Variants in KIAA1217 observed in about 807,000 individuals in gnomAD.
KIAA1217 encodes sickle tail protein homolog.
Under a neutral mutation model 163.9 loss-of-function variants are expected in KIAA1217, and 88 were observed. The ratio of observed to expected loss-of-function variants is 0.54; its 90% CI spans 0.45 to 0.64. KIAA1217 has a LOEUF of 0.64. Among genes scored for constraint, KIAA1217 ranks in the 30% least tolerant of loss-of-function variants. KIAA1217 has a pLI of 0.00. For synonymous variants in KIAA1217, 903 were observed against 923.1 expected (o/e 0.98, Z 0.39); for missense variants, 2,372 against 2,475.0 (o/e 0.96, Z 0.88).
intron 1 of KIAA1217, among the ~76,000 whole-genome samples, chr10:23,986,349 C>T (rs1159247426): frequency 1.3e-5 from 2 of 152,198 alleles, no homozygotes; most frequent in South Asian, 4.1e-4. Flanking sequence ...CCCTCAGTTT[C>T]AGTGGGGAAT....
chr10:24,097,205 A>G (rs2062199303), intron 2 of KIAA1217, among the ~76,000 whole-genome samples: 1 of 152,224 alleles, frequency 6.6e-6, no homozygotes. Context: ...AAAAATTTAT[A>G]GGATCTGATG....
intron 1 of KIAA1217, among the ~76,000 whole-genome samples, chr10:23,852,333 G>A (rs1053084719): frequency 3.9e-5 from 6 of 152,024 alleles, no homozygotes; most frequent in African/African-American, 7.2e-5. Context: ...GTAGATAAGC[G>A]GCGCTATTTC....
At chr10:23,860,189 C>A (rs543056035) in intron 1 of KIAA1217, among the ~76,000 whole-genome samples, 1 of 152,068 alleles carries the variant, frequency 6.6e-6, no homozygotes, top group African/African-American at 2.4e-5. Flanking sequence ...CCTTCTTGTG[C>A]TGGTCTTTGT....
intron 6 of KIAA1217, among the ~76,000 whole-genome samples, chr10:24,489,860 C>CAAAAAAAAA (rs11393718): frequency 1.5e-5 from 1 of 64,924 alleles, no homozygotes; most frequent in East Asian, 5.6e-4. Context: ...GAGAACCTGT[C>CAAAAAAAAA]AAAAAAAAAA....
intron 2 of KIAA1217, among the ~76,000 whole-genome samples, chr10:24,030,292 G>A (rs1848138893): frequency 6.6e-6 from 1 of 152,144 alleles, no homozygotes; most frequent in African/African-American, 2.4e-5. Context: ...GTCGAGGGAG[G>A]GTCTTGATGG....
Position 24,371,837 on chromosome 10 carries a change from C to G in KIAA1217, c.355-9032C>G, listed in dbSNP as rs570484779. Among the ~76,000 whole-genome samples the G allele has an allele frequency of 5.3e-5, 8 of 152,286 alleles. No homozygotes were observed. The East Asian group carries it at 1.3e-3, about 26-fold the overall frequency. On this transcript the variant is annotated intron_variant, in intron 2 of 20. Transcript: ENST00000376454. The stretch of plus-strand genomic sequence containing the variant: ...GAAAGTTCCCTTCCTCTGATCTATT[C>G]TTTAAAAATATCATGCCTATTTAGT...
At chr10:24,485,662 G>T (rs1275879136) in intron 6 of KIAA1217, among the ~76,000 whole-genome samples, 2 of 152,194 alleles carry the variant, frequency 1.3e-5, no homozygotes, top group Non-Finnish European at 1.5e-5. Flanking sequence ...TTGAATGAAT[G>T]AATTTAAAGG....
At chr10:23,963,513 C>T (rs955608041) in intron 1 of KIAA1217, among the ~76,000 whole-genome samples, 1 of 152,130 alleles carries the variant, frequency 6.6e-6, no homozygotes, top group Non-Finnish European at 1.5e-5. Flanking sequence ...TCCAGTCTAT[C>T]ATTAATGGAC....
intron 2 of KIAA1217, among the ~76,000 whole-genome samples, chr10:24,179,276 A>C (rs1318015310): frequency 6.6e-6 from 1 of 152,108 alleles, no homozygotes; most frequent in Non-Finnish European, 1.5e-5. Flanking sequence ...TTTAATCCCT[A>C]ATATTGGAGG....
intron 2 of KIAA1217, among the ~76,000 whole-genome samples, chr10:24,069,239 G>A (rs1042637977): frequency 6.6e-6 from 1 of 152,154 alleles, no homozygotes; most frequent in Non-Finnish European, 1.5e-5. Flanking sequence ...AGTCCTTTAG[G>A]TAGCACCGTA....
intron 17 of KIAA1217, among the ~76,000 whole-genome samples, chr10:24,537,146 G>C (rs1048881317): frequency 6.6e-6 from 1 of 152,090 alleles, no homozygotes; most frequent in African/African-American, 2.4e-5. Context: ...AAACTAAAGA[G>C]TGAACACCTT....
chr10:23,919,324 G>A lies in KIAA1217; in HGVS notation c.-320-87901G>A, dbSNP rs191542143. Among the ~76,000 whole-genome samples, 11 of 151,728 alleles carry A rather than the reference G, an allele frequency of 7.2e-5. No individual in the cohort carries two copies. In the East Asian group the frequency reaches 1.4e-3, roughly 19 times the overall value. On this transcript the variant is annotated intron_variant, in intron 1 of 18. Coordinates refer to the KIAA1217 transcript ENST00000376462. The stretch of plus-strand genomic sequence containing the variant: ...TTCCTCCTCTAAACCCCTAATCATC[G>A]ACTGGGTGCAGTGGGTCACCCCTGT...
At position 23,826,896 on chromosome 10, in the gene KIAA1217, C is replaced by A. The variant is rs562197712; in HGVS notation, c.-321+131662C>A. 3.9e-5 allele frequency among the ~76,000 whole-genome samples: 6 copies of A among 152,264 alleles called. No homozygotes were observed. The South Asian group carries it at 1.0e-3, about 26-fold the overall frequency. On this transcript the variant is annotated intron_variant, in intron 1 of 18. Transcript: ENST00000376462. ...TCATGGTTGTTGAGAGTCAAGTCCC[C>A]TATAGTGATATCTTCACTCATTCAT...
intron 1 of KIAA1217, among the ~76,000 whole-genome samples, chr10:23,770,261 T>A (rs1834734168): frequency 6.6e-6 from 1 of 152,206 alleles, no homozygotes; most frequent in South Asian, 2.1e-4. Context: ...GGTTACCATG[T>A]CTTCTACACC....
rs187226175 is a variant in KIAA1217, at chr10:24,496,517, C to T, written c.1834+1321C>T. On this transcript the variant is annotated intron_variant, in intron 8 of 20. Coordinates refer to ENST00000376454, the MANE Select transcript of KIAA1217 (RefSeq NM_019590.5). ...AAAGCACTGCTCTAAGCAATATGTACGTGCTGTTTTGTATTCTCCTTTTAT... is the reference window on the plus strand; with the variant it reads ...AAAGCACTGCTCTAAGCAATATGTATGTGCTGTTTTGTATTCTCCTTTTAT... 2.8e-4 allele frequency among the ~76,000 whole-genome samples: 42 copies of T among 152,332 alleles called. 1 individual carries two copies. The highest frequency in any genetic ancestry group is 2.7e-3 in the East Asian group (14 of 5,190).
At chr10:23,808,183 C>G (rs1564439222) in intron 1 of KIAA1217, among the ~76,000 whole-genome samples, 2 of 152,312 alleles carry the variant, frequency 1.3e-5, no homozygotes, top group East Asian at 3.9e-4. Flanking sequence ...GAGTAGGCCT[C>G]TGGCAGAGAC....
intron 1 of KIAA1217, among the ~76,000 whole-genome samples, chr10:23,847,704 G>A (rs1442416239): frequency 6.6e-6 from 1 of 152,008 alleles, no homozygotes; most frequent in African/African-American, 2.4e-5. Flanking sequence ...GGTTGTTCAT[G>A]TCTCTATCTC....
At chr10:23,719,857 TG>T (rs1837771495) in intron 1 of KIAA1217, among the ~76,000 whole-genome samples, 1 of 151,960 alleles carries the variant, frequency 6.6e-6, no homozygotes. Flanking sequence ...GAGGTTGCAG[TG>T]AGCCGAGATC....
chr10:23,955,081 T>C (rs1057398891), intron 1 of KIAA1217, among the ~76,000 whole-genome samples: 1 of 152,196 alleles, frequency 6.6e-6, no homozygotes. Context: ...ATATGCCTTA[T>C]GTATATTGCT....
Sources: gnomAD v4.1 joint callset for allele counts (sites outside exome capture counted in the v4.1 genomes callset) on GRCh38, gnomAD v4.1.1 for gene constraint, MANE v1.5 for transcripts, NCBI Gene and HGNC (gene_info 2026-07-23, HGNC 2026-07-21) for gene names.